Variants in ZBTB16 observed in about 807,000 individuals in gnomAD.
ZBTB16 encodes zinc finger and BTB domain-containing protein 16.
Under a neutral mutation model 56.8 loss-of-function variants are expected in ZBTB16, and 8 were observed. The ratio of observed to expected loss-of-function variants is 0.14; its 90% CI spans 0.08 to 0.25. The LOEUF (loss-of-function observed/expected upper bound fraction) is 0.25. Ranked by LOEUF, ZBTB16 falls within the 10% of genes least tolerant of loss-of-function variation. The probability of loss-of-function intolerance (pLI) is 1.00; values close to 1 mark genes in which losing one functional copy is unlikely to be tolerated. For synonymous variants in ZBTB16, 363 were observed against 368.5 expected, an observed-to-expected ratio of 0.98 and a Z score of 0.17; for missense variants, 625 against 903.0, an observed-to-expected ratio of 0.69 and a Z score of 3.95.
At chr11:114,092,736 C>T (rs1329950485) in intron 2 of ZBTB16, among the ~76,000 whole-genome samples, 1 of 152,090 alleles carries the variant, frequency 6.6e-6, no homozygotes, top group African/African-American at 2.4e-5. Flanking sequence ...GGCTTAGGTC[C>T]CATAACTCAT....
intron 4 of ZBTB16, among the ~76,000 whole-genome samples, chr11:114,190,166 A>C (rs921389359): frequency 1.3e-5 from 2 of 152,220 alleles, no homozygotes. Flanking sequence ...AGTTGCGAGG[A>C]AATTGAGAGC....
intron 4 of ZBTB16, among the ~76,000 whole-genome samples, chr11:114,204,814 G>A (rs563430581): frequency 2.6e-5 from 4 of 152,266 alleles, no homozygotes; most frequent in African/African-American, 7.2e-5. Flanking sequence ...AACATATCCA[G>A]TCCCCACATT....
intron 2 of ZBTB16, among the ~76,000 whole-genome samples, chr11:114,148,429 C>CTCTGTCTG (rs1942184764): frequency 2.9e-5 from 1 of 34,288 alleles, no homozygotes; most frequent in Admixed American, 3.5e-4. Context: ...CCCTCCCTCT[C>CTCTGTCTG]TCTCTCTTTC....
At chr11:114,191,895 AATGACATGACTTG>A (rs1274266902) in intron 4 of ZBTB16, among the ~76,000 whole-genome samples, 8 of 152,256 alleles carry the variant, frequency 5.3e-5, no homozygotes, top group Admixed American at 2.0e-4. Context: ...TGACTGGGAG[AATGACATGACTTG>A]ATTTATGTGT....
intron 4 of ZBTB16, among the ~76,000 whole-genome samples, chr11:114,229,875 T>C (rs1009548699): frequency 1.3e-5 from 2 of 152,142 alleles, no homozygotes; most frequent in Non-Finnish European, 2.9e-5. Context: ...GAATTGGTAA[T>C]GATAGTTTGA....
At chr11:114,235,691 T>TTTCTATC (rs1555159924) in intron 4 of ZBTB16, among the ~76,000 whole-genome samples, 2 of 13,104 alleles carry the variant, frequency 1.5e-4, no homozygotes, top group African/African-American at 2.3e-4. Context: ...TCTTTCTTTC[T>TTTCTATC]TTTCTTTCTT....
intron 4 of ZBTB16, among the ~76,000 whole-genome samples, chr11:114,219,491 A>T (rs12275838): frequency 6.6e-6 from 1 of 151,944 alleles, no homozygotes. Context: ...GATGGGAAGC[A>T]TCTTAGGCTC....
intron 4 of ZBTB16, chr11:114,187,247 A>G: frequency 1.5e-6 from 1 of 660,406 alleles, no homozygotes. Context: ...ACATGGCCCC[A>G]TGAGAATGGC....
intron 2 of ZBTB16, among the ~76,000 whole-genome samples, chr11:114,084,937 G>C (rs796887574): frequency 3.3e-5 from 5 of 152,284 alleles, no homozygotes; most frequent in African/African-American, 1.2e-4. Context: ...CAGAGTCTAG[G>C]GGACCTGTGG....
chr11:114,255,682 G>A lies in ZBTB16; in HGVS notation c.*5127G>A, dbSNP rs771400306. Among the ~76,000 whole-genome samples the A allele has an allele frequency of 1.1e-4, 16 of 147,798 alleles. No individual in the cohort carries two copies. The highest frequency in any genetic ancestry group is 1.5e-5 in the Non-Finnish European group (1 of 67,480). Reference sequence around the variant, plus strand: ...CTGCCTTCGTTTCGTGTAGATTGACGCGTTTCTTTGTAATTTCAGTGTTTC... The same window carrying A: ...CTGCCTTCGTTTCGTGTAGATTGACACGTTTCTTTGTAATTTCAGTGTTTC... On this transcript the variant is annotated 3_prime_UTR_variant, in exon 7 of 7. Coordinates refer to ENST00000335953, the MANE Select transcript of ZBTB16 (RefSeq NM_006006.6).
At chr11:114,169,436 G>A (rs962233660) in intron 3 of ZBTB16, among the ~76,000 whole-genome samples, 5 of 152,074 alleles carry the variant, frequency 3.3e-5, no homozygotes, top group African/African-American at 4.8e-5. Context: ...TCTGGGGAGC[G>A]AAACATCAGC....
intron 2 of ZBTB16, among the ~76,000 whole-genome samples, chr11:114,085,258 C>T (rs1375489997): frequency 2.6e-5 from 4 of 152,168 alleles, no homozygotes; most frequent in African/African-American, 4.8e-5. Context: ...ATCTTCTCTT[C>T]CATTCTATCT....
intron 3 of ZBTB16, among the ~76,000 whole-genome samples, chr11:114,184,460 A>G (rs975555847): frequency 6.6e-6 from 1 of 152,218 alleles, no homozygotes; most frequent in African/African-American, 2.4e-5. Flanking sequence ...TCATTCAGAG[A>G]TGGGAGCTCA....
At chr11:114,099,323 A>T (rs563711484) in intron 2 of ZBTB16, among the ~76,000 whole-genome samples, 2 of 152,126 alleles carry the variant, frequency 1.3e-5, no homozygotes, top group Non-Finnish European at 2.9e-5. Flanking sequence ...TACTCTGAAT[A>T]TATATATACA....
chr11:114,203,570 GC>G (rs1943783771), intron 4 of ZBTB16, among the ~76,000 whole-genome samples: 1 of 61,682 alleles, frequency 1.6e-5, no homozygotes, highest in Non-Finnish European at 3.2e-5. Flanking sequence ...CAACCCCCCC[GC>G]CCCCCTGCAA....
chr11:114,242,075 TGA>T, intron 4 of ZBTB16, 90 bp from the exon 5 acceptor site: 2 of 1,531,056 alleles, frequency 1.3e-6, no homozygotes, highest in Non-Finnish European at 1.8e-6. Context: ...TTTGGAGGTG[TGA>T]GTCCCGACAC....
At chr11:114,145,622 G>A (rs1349272150) in intron 2 of ZBTB16, among the ~76,000 whole-genome samples, 1 of 152,188 alleles carries the variant, frequency 6.6e-6, no homozygotes, top group African/African-American at 2.4e-5. Context: ...ATATGTGGTT[G>A]CCAAAGGCTG....
chr11:114,116,907 G>A (rs1941190840), intron 2 of ZBTB16, among the ~76,000 whole-genome samples: 1 of 152,186 alleles, frequency 6.6e-6, no homozygotes, highest in Non-Finnish European at 1.5e-5. Context: ...AGCTGGTAGG[G>A]GAGGCAGACA....
intron 4 of ZBTB16, among the ~76,000 whole-genome samples, chr11:114,206,771 C>G (rs1032924924): frequency 6.6e-6 from 1 of 152,212 alleles, no homozygotes; most frequent in African/African-American, 2.4e-5. Context: ...TATACCTGCA[C>G]TAAGAATTGA....
Sources: gnomAD v4.1 joint callset for allele counts (sites outside exome capture counted in the v4.1 genomes callset) on GRCh38, gnomAD v4.1.1 for gene constraint, MANE v1.5 for transcripts, NCBI Gene and HGNC (gene_info 2026-07-23, HGNC 2026-07-21) for gene names.